The following TSPAN31 variants were observed in gnomAD, a reference collection of about 807,000 sequenced individuals.
TSPAN31 encodes tetraspanin 31.
A neutral mutation model predicts 24.8 loss-of-function variants in TSPAN31; 16 were observed. The observed-to-expected ratio is 0.64, with a 90% CI of 0.44 to 0.98. The LOEUF is 0.98. Among genes scored for constraint, TSPAN31 ranks in the 50% least tolerant of loss-of-function variants. The probability of loss-of-function intolerance (pLI) is 0.00; values close to 1 mark genes in which losing one functional copy is unlikely to be tolerated. For synonymous variants in TSPAN31, 87 were observed against 91.4 expected, an observed-to-expected ratio of 0.95 and a Z score of 0.27; for missense variants, 209 against 251.6, an observed-to-expected ratio of 0.83 and a Z score of 1.15.
At position 57,749,722 on chromosome 12, in the gene TSPAN31, G is replaced by A. The variant is rs1955210115; in HGVS notation, c.*2432G>A. ...TTTTTTTAAAAAAAAAGAAATGCCA[G>A]GTGCAGCGGCTCACGCCTGTAATCC... On this transcript the variant is annotated 3_prime_UTR_variant, in exon 6 of 6. Coordinates refer to ENST00000257910, the MANE Select transcript of TSPAN31 (RefSeq NM_005981.5). The A allele has an allele frequency of 1.7e-6, 1 of 599,984 alleles. No individual in the cohort carries two copies. The highest frequency in any genetic ancestry group is 1.9e-5 in the African/African-American group (1 of 53,876). 37.2% of individuals were successfully genotyped at this position (599,984 alleles called of 1,614,324 possible).
Position 57,745,188 on chromosome 12 carries a change from G to A in TSPAN31, c.34G>A (p.Ala12Thr), listed in dbSNP as rs147996581. 1.8e-3 allele frequency: 2,877 copies of A among 1,607,608 alleles called. 17 individuals are homozygous for A. Among genetic ancestry groups the A allele is most frequent in the Admixed American group, 1.9e-3 (110 of 59,066 alleles). ...TGGCGGCTTTGCCTGCTCCAAGAATGCGCTTTGCGCTCTCAACGTGGTCTA... is the reference window on the plus strand; with the variant it reads ...TGGCGGCTTTGCCTGCTCCAAGAATACGCTTTGCGCTCTCAACGTGGTCTA... ...VCGGFACSKN[A>T]LCALNVVYML... The change falls in exon 1 of 6, where the codon GCG (alanine) becomes ACG (threonine). Residue 12 changes from alanine to threonine, a missense_variant. Transcript: ENST00000257910.
In TSPAN31 at chr12:57,746,238, T is replaced by C; in HGVS notation, c.294T>C (p.Ala98=). The change falls in exon 3 of 6, where the codon GCT becomes GCC. Residue 98 remains alanine (A), a synonymous_variant. Coordinates refer to ENST00000257910, the MANE Select transcript of TSPAN31 (RefSeq NM_005981.5). ...FQFVISCSCL[A]INRSKQTDVI... is the part of the protein sequence containing the mutation. ...TTGTAATCTCTTGCTCATGTCTGGC[T>C]ATTAACCGAAGCAAACAGGTAAGAC... The C allele has an allele frequency of 5.6e-6, 9 of 1,614,138 alleles. No homozygotes were observed. Among genetic ancestry groups the C allele is most frequent in the Non-Finnish European group, 6.8e-6 (8 of 1,179,948 alleles).
At position 57,749,056 on chromosome 12, in the gene TSPAN31, T is replaced by C; in HGVS notation, c.*1766T>C. The C allele has an allele frequency of 8.2e-7, 1 of 1,214,860 alleles. No individual in the cohort carries two copies. The highest frequency in any genetic ancestry group is 1.5e-5 in the African/African-American group (1 of 67,176). 75.3% of individuals were successfully genotyped at this position (1,214,860 alleles called of 1,614,324 possible). On this transcript the variant is annotated 3_prime_UTR_variant, in exon 6 of 6. Coordinates refer to ENST00000257910, the MANE Select transcript of TSPAN31 (RefSeq NM_005981.5). ...CTCTGTGGGTGGCTATTTGCAGCTGTAATAAAAACTACAGCCCATCTACCA... is the reference window on the plus strand; with the variant it reads ...CTCTGTGGGTGGCTATTTGCAGCTGCAATAAAAACTACAGCCCATCTACCA...
rs1555201131 is a variant in TSPAN31, at chr12:57,749,497, A to G, written c.*2207A>G. Reference sequence around the variant, plus strand: ...TGGTCGGCTTCAGAGTTTCCACAGAAGAGAGGCCTAAGGTGAGAAGGGATA... The same window carrying G: ...TGGTCGGCTTCAGAGTTTCCACAGAGGAGAGGCCTAAGGTGAGAAGGGATA... On this transcript the variant is annotated 3_prime_UTR_variant, in exon 6 of 6. Transcript: ENST00000257910. 2 of 1,614,062 alleles carry G rather than the reference A, an allele frequency of 1.2e-6. No individual in the cohort carries two copies. Among genetic ancestry groups the G allele is most frequent in the African/African-American group, 2.7e-5 (2 of 74,944 alleles).
chr12:57,748,851 G>A lies in TSPAN31; in HGVS notation c.*1561G>A, dbSNP rs1017004517. The stretch of plus-strand genomic sequence containing the variant: ...CTCCCAAGTAGCTGAGATTACAGGC[G>A]TGTGCCACCACCCCCGGCTTATTTT... On this transcript the variant is annotated 3_prime_UTR_variant, in exon 6 of 6. Coordinates refer to ENST00000257910, the MANE Select transcript of TSPAN31 (RefSeq NM_005981.5). 17 of 554,968 alleles carry A rather than the reference G, an allele frequency of 3.1e-5. No homozygotes were observed. Among genetic ancestry groups the A allele is most frequent in the South Asian group, 1.6e-4 (8 of 49,336 alleles). The allele number at this position is 554,968 out of a possible 1,614,324, so 34.4% of individuals were successfully genotyped here.
rs1277550178 is a variant in TSPAN31, at chr12:57,748,764, G to A, written c.*1474G>A. 4 of 643,770 alleles carry A rather than the reference G, an allele frequency of 6.2e-6. No individual in the cohort carries two copies. The highest frequency in any genetic ancestry group is 1.1e-5 in the Non-Finnish European group (4 of 360,448). The allele number at this position is 643,770 out of a possible 1,614,324, so 39.9% of individuals were successfully genotyped here. On this transcript the variant is annotated 3_prime_UTR_variant, in exon 6 of 6. Transcript: ENST00000257910. ...TCTATCACCCAGGCTGGAGTGCAAT[G>A]GTATGATCTCAGCTCACTGCAACCT... is the stretch of plus-strand genomic sequence containing the variant.
chr12:57,748,640 G>A lies in TSPAN31; in HGVS notation c.*1350G>A, dbSNP rs748278683. ...TTCCTGAGGGGAGAGGCAAAGGTCA[G>A]AAAACCATGAAGAAAACAGACTTCT... On this transcript the variant is annotated 3_prime_UTR_variant, in exon 6 of 6. Coordinates refer to ENST00000257910, the MANE Select transcript of TSPAN31 (RefSeq NM_005981.5). 2 of 1,531,214 alleles carry A rather than the reference G, an allele frequency of 1.3e-6. No individual in the cohort carries two copies. Among genetic ancestry groups the A allele is most frequent in the Admixed American group, 3.3e-5 (2 of 59,868 alleles). The allele number at this position is 1,531,214 out of a possible 1,614,324, so 94.9% of individuals were successfully genotyped here. A position where few individuals can be genotyped will look rare whatever the true frequency, so the allele number is the denominator to read the frequency against.
At chr12:57,746,285 T>C (rs1333925275) in intron 3 of TSPAN31, 29 bp downstream of exon 3, 10 of 1,602,588 alleles carry the variant, frequency 6.2e-6, no homozygotes, top group Non-Finnish European at 8.6e-6. Context: ...AAGTACTTAC[T>C]TGCTTTTTAA....
chr12:57,749,474 G>A lies in TSPAN31; in HGVS notation c.*2184G>A, dbSNP rs1205343806. The A allele has an allele frequency of 1.2e-6, 2 of 1,614,222 alleles. No homozygotes were observed. The highest frequency in any genetic ancestry group is 3.3e-5 in the Admixed American group (2 of 60,032). On this transcript the variant is annotated 3_prime_UTR_variant, in exon 6 of 6. Coordinates refer to ENST00000257910, the MANE Select transcript of TSPAN31 (RefSeq NM_005981.5). ...CTTACTCAAAGATTTTGCCCAACTG[G>A]TCGGCTTCAGAGTTTCCACAGAAGA...
chr12:57,748,445 G>A lies in TSPAN31; in HGVS notation c.*1155G>A, dbSNP rs1955185122. The A allele has an allele frequency of 9.6e-7, 1 of 1,036,750 alleles. No individual in the cohort carries two copies. Among genetic ancestry groups the A allele is most frequent in the African/African-American group, 1.6e-5 (1 of 63,848 alleles). The allele number at this position is 1,036,750 out of a possible 1,614,324, so 64.2% of individuals were successfully genotyped here. On this transcript the variant is annotated 3_prime_UTR_variant, in exon 6 of 6. Coordinates refer to ENST00000257910, the MANE Select transcript of TSPAN31 (RefSeq NM_005981.5). ...GAGGAGGACCCTCCATAGCCTCAGAGATAAAGGCAAAGATTGCCCTCTCAG... is the reference window on the plus strand; with the variant it reads ...GAGGAGGACCCTCCATAGCCTCAGAAATAAAGGCAAAGATTGCCCTCTCAG...
In TSPAN31 at chr12:57,749,349, G is replaced by A. The variant is rs1461580187; in HGVS notation, c.*2059G>A. On this transcript the variant is annotated 3_prime_UTR_variant, in exon 6 of 6. Transcript: ENST00000257910. Reference sequence around the variant, plus strand: ...GGGACAGGAGAACTCTGGTCAGGAGGGTCCTCCAGTTCCCATCCCCATGGG... The same window carrying A: ...GGGACAGGAGAACTCTGGTCAGGAGAGTCCTCCAGTTCCCATCCCCATGGG... 1 of 1,614,076 alleles carries A rather than the reference G, an allele frequency of 6.2e-7. No individual in the cohort carries two copies. Among genetic ancestry groups the A allele is most frequent in the Admixed American group, 1.7e-5 (1 of 60,026 alleles).
intron 1 of TSPAN31, 76 bp from the exon 2 acceptor site, chr12:57,745,669 C>G: frequency 6.3e-7 from 1 of 1,575,882 alleles, no homozygotes. Context: ...CTGCCCCGCT[C>G]CCAAGTCCTC....
chr12:57,748,799 G>T lies in TSPAN31; in HGVS notation c.*1509G>T. The T allele has an allele frequency of 1.7e-6, 1 of 588,152 alleles. No individual in the cohort carries two copies. The highest frequency in any genetic ancestry group is 3.0e-6 in the Non-Finnish European group (1 of 330,164). The allele number at this position is 588,152 out of a possible 1,614,324, so 36.4% of individuals were successfully genotyped here. A position where few individuals can be genotyped will look rare whatever the true frequency, so the allele number is the denominator to read the frequency against. ...CAGCTCACTGCAACCTCCGCCTCCTGAGTTGAAGTGATTCTCCTATCTCAG... is the reference window on the plus strand; with the variant it reads ...CAGCTCACTGCAACCTCCGCCTCCTTAGTTGAAGTGATTCTCCTATCTCAG... On this transcript the variant is annotated 3_prime_UTR_variant, in exon 6 of 6. Coordinates refer to ENST00000257910, the MANE Select transcript of TSPAN31 (RefSeq NM_005981.5).
In TSPAN31 at chr12:57,748,039, G is replaced by A. The variant is rs746139891; in HGVS notation, c.*749G>A. 6 of 253,846 alleles carry A rather than the reference G, an allele frequency of 2.4e-5. No homozygotes were observed. The highest frequency in any genetic ancestry group is 9.7e-5 in the Admixed American group (2 of 20,576). 15.7% of individuals were successfully genotyped at this position (253,846 alleles called of 1,614,324 possible). A position where few individuals can be genotyped will look rare whatever the true frequency, so the allele number is the denominator to read the frequency against. ...TTATAGGCGTGAGCCACCACGCCCC[G>A]CCTAAAATCCATATTCAAAGAAGCA... is the stretch of plus-strand genomic sequence containing the variant. On this transcript the variant is annotated 3_prime_UTR_variant, in exon 6 of 6. Coordinates refer to ENST00000257910, the MANE Select transcript of TSPAN31 (RefSeq NM_005981.5).
chr12:57,746,203 A>T lies in TSPAN31; in HGVS notation c.259A>T (p.Ile87Phe). 1.9e-6 allele frequency: 3 copies of T among 1,614,186 alleles called. No individual in the cohort carries two copies. The highest frequency in any genetic ancestry group is 2.5e-6 in the Non-Finnish European group (3 of 1,180,020). ...CATGATCATCCTTGGTTTGGTCTTC[A>T]TCTTCCAATTTGTAATCTCTTGCTC... The part of the protein sequence containing the change: ...FYMIILGLVF[I>F]FQFVISCSCL... The change falls in exon 3 of 6, where the codon ATC becomes TTC. Residue 87 changes from isoleucine (I) to phenylalanine (F), a missense_variant. Physicochemically the swap from Ile to Phe is conservative, Grantham distance 21. Coordinates refer to ENST00000257910, the MANE Select transcript of TSPAN31 (RefSeq NM_005981.5).
chr12:57,747,062 G>T lies in TSPAN31; in HGVS notation c.489G>T (p.Lys163Asn), dbSNP rs763574194. The T allele has an allele frequency of 1.2e-6, 2 of 1,614,222 alleles. No homozygotes were observed. The highest frequency in any genetic ancestry group is 1.7e-6 in the Non-Finnish European group (2 of 1,180,026). ...CCACATGCCAGATGTGTGGAGAAAA[G>T]TTTCTTAAGCATTCAGACGAAGCCC... The part of the protein sequence containing the change: ...QSPTCQMCGE[K>N]FLKHSDEALK... The change falls in exon 5 of 6, where the codon AAG (lysine) becomes AAT (asparagine). Residue 163 changes from lysine to asparagine, a missense_variant. By Grantham distance (94) the Lys-to-Asn change is moderately conservative. Transcript: ENST00000257910.
In TSPAN31 at chr12:57,747,422, A is replaced by T; in HGVS notation, c.*132A>T. ...CCCCTTGTCACATCCTCTAAAATTG[A>T]TGGAATAGCAAGACTTTATGCCTTG... On this transcript the variant is annotated 3_prime_UTR_variant, in exon 6 of 6. Transcript: ENST00000257910. 1.4e-6 allele frequency: 1 copy of T among 728,220 alleles called. No homozygotes were observed. Among genetic ancestry groups the T allele is most frequent in the Non-Finnish European group, 2.2e-6 (1 of 446,236 alleles). 45.1% of individuals were successfully genotyped at this position (728,220 alleles called of 1,614,324 possible).
intron 1 of TSPAN31, 22 bp from the exon 2 acceptor site, chr12:57,745,723 G>A (rs1295030177): frequency 6.2e-7 from 1 of 1,613,768 alleles, no homozygotes. Flanking sequence ...TTGTTGAGAT[G>A]TATCCTGCTC....
Position 57,746,862 on chromosome 12 carries a change from T to C in TSPAN31, c.444+142T>C, listed in dbSNP as rs181188819. The stretch of plus-strand genomic sequence containing the variant: ...GTATTGGGGCTGTGTTGGTGGGAGG[T>C]GGGGGTGGATAGAGGCTGGGGAATT... On this transcript the variant is annotated intron_variant, in intron 4 of 5. Transcript: ENST00000257910. 32 of 1,376,942 alleles carry C rather than the reference T, an allele frequency of 2.3e-5. No individual in the cohort carries two copies. In the African/African-American group the frequency reaches 3.2e-4, roughly 14 times the overall value. 85.3% of individuals were successfully genotyped at this position (1,376,942 alleles called of 1,614,324 possible).
Sources: gnomAD v4.1 joint callset for allele counts on GRCh38, gnomAD v4.1.1 for gene constraint, MANE v1.5 for transcripts, NCBI Gene and HGNC (gene_info 2026-07-23, HGNC 2026-07-21) for gene names.